Variants in PFKFB2 observed in about 807,000 individuals in gnomAD.
PFKFB2 encodes the protein 6-phosphofructo-2-kinase/fructose-2,6-bisphosphatase 2.
In PFKFB2, 53 loss-of-function variants were observed where a neutral mutation model predicts 68.0. The ratio of observed to expected loss-of-function variants is 0.78; its 90% confidence interval spans 0.63 to 0.98. PFKFB2 has a LOEUF of 0.98. PFKFB2 is among the 50% of genes least tolerant of loss of function. The pLI is 0.00. For missense variants in PFKFB2, 451 were observed against 642.0 expected (o/e 0.70, Z 3.22); for synonymous variants, 222 against 227.6 (o/e 0.98, Z 0.22).
rs749132678 is a variant in PFKFB2, at chr1:207,074,524, C to T, written c.*2153C>T. The T allele has an allele frequency of 5.1e-6, 5 of 985,260 alleles. No homozygotes were observed. Among genetic ancestry groups the T allele is most frequent in the Non-Finnish European group, 6.0e-6 (5 of 829,922 alleles). 61.0% of individuals were successfully genotyped at this position (985,260 alleles called of 1,614,324 possible). On this transcript the variant is annotated 3_prime_UTR_variant, in exon 15 of 15. Coordinates refer to ENST00000367080, the MANE Select transcript of PFKFB2 (RefSeq NM_006212.2). ...GTCATCACTGGCAACTGACTCCTGACCCCGGGTCCTTTACTCGTATGTCCC... is the reference window on the plus strand; with the variant it reads ...GTCATCACTGGCAACTGACTCCTGATCCCGGGTCCTTTACTCGTATGTCCC...
chr1:207,072,400 T>C lies in PFKFB2; in HGVS notation c.*29T>C. 2 of 1,604,374 alleles carry C rather than the reference T, an allele frequency of 1.2e-6. No homozygotes were observed. The highest frequency in any genetic ancestry group is 2.2e-5 in the South Asian group (2 of 90,040). ...AAGACCCAAGTCAGCATTCCGGTGG[T>C]GTAACTGTGTGTTTCCCTCCAGCCC... On this transcript the variant is annotated 3_prime_UTR_variant, in exon 15 of 15. Transcript: ENST00000367080.
intron 8 of PFKFB2, among the ~76,000 whole-genome samples, chr1:207,066,675 A>C (rs977683900): frequency 2.0e-5 from 3 of 151,778 alleles, no homozygotes; most frequent in African/African-American, 7.3e-5. Context: ...TTTGAGATGG[A>C]GTCTCTCGCT....
chr1:207,049,249 C>T (rs189355581), upstream of PFKFB2: 16 of 1,613,954 alleles, frequency 9.9e-6, no homozygotes, highest in African/African-American at 8.0e-5. Context: ...AGGGAAGTTA[C>T]GCTGAAGTGG....
chr1:207,042,586 A>C (rs1682502747), intron 2 of PFKFB2, among the ~76,000 whole-genome samples: 1 of 139,598 alleles, frequency 7.2e-6, no homozygotes, highest in Non-Finnish European at 1.5e-5. Context: ...AAAAAAGACT[A>C]TTGCTTCCTT....
Position 207,041,069 on chromosome 1 carries a change from C to A in PFKFB2, c.-61-1100C>A, listed in dbSNP as rs555917259. The stretch of plus-strand genomic sequence containing the variant: ...TCAACCTCCCAAGTAGCTGGGACTA[C>A]AGGCGCCCGCCACCACGCCCGGCTA... On this transcript the variant is annotated intron_variant, in intron 1 of 5. Transcript: ENST00000545806. Among the ~76,000 whole-genome samples the A allele has an allele frequency of 3.3e-5, 5 of 151,808 alleles. No homozygotes were observed. The South Asian group carries it at 1.0e-3, about 32-fold the overall frequency.
Position 207,062,009 on chromosome 1 carries a change from GC to G in PFKFB2, c.145del (p.Arg49GlyfsTer10). ...PTLIVMIGLP[A>X]RGKTYVSKKL... ...TCTGATCGTTATGATTGGTTTGCCA[GC>G]CCGGGGTAAAACCTACGTGTCCAAG... On this transcript the variant is annotated frameshift_variant, in exon 3 of 15. Transcript: ENST00000367080. LOFTEE classifies it high-confidence loss of function. The G allele has an allele frequency of 6.2e-7, 1 of 1,614,186 alleles. No homozygotes were observed. Among genetic ancestry groups the G allele is most frequent in the Non-Finnish European group, 8.5e-7 (1 of 1,180,014 alleles).
chr1:207,079,053 G>C (rs374079970), downstream of PFKFB2: 2 of 1,558,132 alleles, frequency 1.3e-6, no homozygotes, highest in East Asian at 4.5e-5. Flanking sequence ...CTCTCCAAAC[G>C]ACTGGGATCT....
intron 1 of PFKFB2, 101 bp from the exon 2 acceptor site, chr1:207,054,600 G>A: frequency 1.4e-6 from 1 of 693,470 alleles, no homozygotes; most frequent in Non-Finnish European, 2.4e-6. Flanking sequence ...TTGGCCCAGG[G>A]TGTTTTTACT....
chr1:207,054,506 C>G (rs1035965963), intron 1 of PFKFB2, among the ~76,000 whole-genome samples, 195 bp from the exon 2 acceptor site: 1 of 152,202 alleles, frequency 6.6e-6, no homozygotes, highest in Admixed American at 6.5e-5. Flanking sequence ...ATGTAAGGTT[C>G]TAGTGCAACT....
chr1:207,061,556 A>G (rs184974554), intron 2 of PFKFB2, among the ~76,000 whole-genome samples: 1 of 152,242 alleles, frequency 6.6e-6, no homozygotes, highest in African/African-American at 2.4e-5. Context: ...AAATGAGATT[A>G]TGACTATGAA....
chr1:207,042,549 C>CAAAAAAAAAAAA lies in PFKFB2; in HGVS notation c.-18+358_-18+369dup, dbSNP rs57077682. ...GGCGACACAGCAACACTCTGTCTCA[C>CAAAAAAAAAAAA]AAAAAAAAAAAAAAAAAAAAAAAAA... On this transcript the variant is annotated intron_variant, in intron 2 of 5. Coordinates refer to the PFKFB2 transcript ENST00000545806. Among the ~76,000 whole-genome samples the CAAAAAAAAAAAA allele has an allele frequency of 1.6e-3, 72 of 44,708 alleles. 10 individuals are homozygous for CAAAAAAAAAAAA. The highest frequency in any genetic ancestry group is 2.2e-3 in the Non-Finnish European group (51 of 23,616). The allele number at this position is 44,708 out of a possible 152,430, so 29.3% of individuals were successfully genotyped here.
chr1:207,070,652 G>A lies in PFKFB2; in HGVS notation c.1222+243G>A, dbSNP rs1253693452. On this transcript the variant is annotated intron_variant, in intron 12 of 14. Transcript: ENST00000367080. This position sits in a 1 kb window ranked among gnomAD's most constrained non-coding sequence, Gnocchi z 4.2. ...TGCTCCTTGATCCTGCCTGGCTCAAGGGCCAGTGTCATGCTGACACTCCTG... is the reference window on the plus strand; with the variant it reads ...TGCTCCTTGATCCTGCCTGGCTCAAAGGCCAGTGTCATGCTGACACTCCTG... 4.3e-6 allele frequency: 2 copies of A among 462,094 alleles called. No individual in the cohort carries two copies. The highest frequency in any genetic ancestry group is 7.9e-6 in the Non-Finnish European group (2 of 252,698). The allele number at this position is 462,094 out of a possible 1,614,324, so 28.6% of individuals were successfully genotyped here.
At chr1:207,046,910 C>G (rs1682612670) in intron 2 of PFKFB2, 1 of 152,046 alleles carries the variant, frequency 6.6e-6, no homozygotes, top group Non-Finnish European at 1.5e-5. Context: ...GAATAAACTT[C>G]TAGATCTAAA....
Position 207,073,249 on chromosome 1 carries a change from G to A in PFKFB2, c.*878G>A. The A allele has an allele frequency of 4.4e-5, 43 of 985,468 alleles. No homozygotes were observed. The highest frequency in any genetic ancestry group is 4.7e-5 in the Non-Finnish European group (39 of 829,972). The allele number at this position is 985,468 out of a possible 1,614,324, so 61.0% of individuals were successfully genotyped here. Reference sequence around the variant, plus strand: ...GCCTGGGTCTTTTGAGGTCTGCAGAGTGGGGTTTAGGAGAGTAGGGTGGGC... The same window carrying A: ...GCCTGGGTCTTTTGAGGTCTGCAGAATGGGGTTTAGGAGAGTAGGGTGGGC... On this transcript the variant is annotated 3_prime_UTR_variant, in exon 15 of 15. Coordinates refer to ENST00000367080, the MANE Select transcript of PFKFB2 (RefSeq NM_006212.2).
chr1:207,064,232 A>C (rs937734652), intron 7 of PFKFB2, among the ~76,000 whole-genome samples: 3 of 151,894 alleles, frequency 2.0e-5, no homozygotes, highest in African/African-American at 7.3e-5. Context: ...GGATTGCTTG[A>C]ACCCAGAAGG....
rs773987532 is a variant in PFKFB2, at chr1:207,063,435, C to G, written c.450+14C>G. 6.3e-7 allele frequency: 1 copy of G among 1,593,084 alleles called. No homozygotes were observed. Among genetic ancestry groups the G allele is most frequent in the Non-Finnish European group, 8.6e-7 (1 of 1,162,260 alleles). On this transcript the variant is annotated intron_variant, in intron 6 of 14. Coordinates refer to ENST00000367080, the MANE Select transcript of PFKFB2 (RefSeq NM_006212.2). This position sits in a 1 kb window ranked among gnomAD's most constrained non-coding sequence, Gnocchi z 4.1. Reference sequence around the variant, plus strand: ...AATTCCTTCAAGGTAGGATCTGACTCCATGTTGGAGGAAAAGGGATGAGTA... The same window carrying G: ...AATTCCTTCAAGGTAGGATCTGACTGCATGTTGGAGGAAAAGGGATGAGTA...
chr1:207,075,425 T>C lies in PFKFB2; in HGVS notation c.*3054T>C. 2 of 985,398 alleles carry C rather than the reference T, an allele frequency of 2.0e-6. No individual in the cohort carries two copies. Among genetic ancestry groups the C allele is most frequent in the Non-Finnish European group, 2.4e-6 (2 of 829,890 alleles). 61.0% of individuals were successfully genotyped at this position (985,398 alleles called of 1,614,324 possible). The stretch of plus-strand genomic sequence containing the variant: ...AGGAGAATGTAGAATGGAAAAGAGC[T>C]CTTACTCCAAATTTTAGAGAAGTTT... On this transcript the variant is annotated 3_prime_UTR_variant, in exon 15 of 15. Transcript: ENST00000367080.
chr1:207,079,338 ACTGT>A, downstream of PFKFB2: 1 of 395,700 alleles, frequency 2.5e-6, no homozygotes, highest in Non-Finnish European at 4.6e-6. Flanking sequence ...CCTACCTGTG[ACTGT>A]CTGCATCCTT....
chr1:207,039,512 T>C (rs999696213), intron 1 of PFKFB2, among the ~76,000 whole-genome samples: 3 of 152,250 alleles, frequency 2.0e-5, no homozygotes, highest in Non-Finnish European at 4.4e-5. Context: ...CTTGATAAAG[T>C]GACTTTTCCT....
Sources: allele counts gnomAD v4.1 joint callset (sites outside exome capture counted in the v4.1 genomes callset), GRCh38; gene constraint gnomAD v4.1.1; non-coding constraint Gnocchi (gnomAD v3.1); transcripts MANE v1.5; gene names NCBI Gene and HGNC (gene_info 2026-07-23, HGNC 2026-07-21).